Variants in SVOP observed in about 807,000 individuals in gnomAD.
SVOP encodes SV2 related protein.
A neutral mutation model predicts 69.1 loss-of-function variants in SVOP; 17 were observed. That is an observed-to-expected ratio of 0.25 (90% CI 0.17 to 0.37). The LOEUF is 0.37. Among genes scored for constraint, SVOP ranks in the 10% least tolerant of loss-of-function variants. The pLI, the probability that SVOP is intolerant of heterozygous loss-of-function variation, is 1.00. For synonymous variants in SVOP, 238 were observed against 238.6 expected, an observed-to-expected ratio of 1.00 and a Z score of 0.02; for missense variants, 435 against 597.5, an observed-to-expected ratio of 0.73 and a Z score of 2.84.
At chr12:108,923,595 C>T (rs1473558608) in intron 11 of SVOP, among the ~76,000 whole-genome samples, 1 of 151,966 alleles carries the variant, frequency 6.6e-6, no homozygotes, top group Non-Finnish European at 1.5e-5. Context: ...GACTCCTGAC[C>T]TACAGAAGCT....
chr12:108,969,220 TCTTCTCTCCTTC>T (rs1389611075), intron 5 of SVOP, among the ~76,000 whole-genome samples: 4 of 152,038 alleles, frequency 2.6e-5, no homozygotes, highest in African/African-American at 9.7e-5. Flanking sequence ...AGGTGTTTTT[TCTTCTCTCCTTC>T]CTTCCCTCCT....
In SVOP at chr12:108,961,186, T is replaced by C. The variant is rs887966742; in HGVS notation, c.454-139A>G. The C allele has an allele frequency of 6.5e-6, 7 of 1,083,120 alleles. No homozygotes were observed. The Admixed American group carries it at 2.1e-4, about 33-fold the overall frequency. 67.1% of individuals were successfully genotyped at this position (1,083,120 alleles called of 1,614,324 possible). A position where few individuals can be genotyped will look rare whatever the true frequency, so the allele number is the denominator to read the frequency against. On this transcript the variant is annotated intron_variant, in intron 5 of 15. Coordinates refer to ENST00000610966, the MANE Select transcript of SVOP (RefSeq NM_018711.5). Reference sequence around the variant, plus strand: ...CAAGGGGGTACTGGGTTCCTCTGTATGGGGAGTGCCAACCCACAGGGGTTG... The same window carrying C: ...CAAGGGGGTACTGGGTTCCTCTGTACGGGGAGTGCCAACCCACAGGGGTTG...
At chr12:108,978,848 G>A (rs557766160) in intron 2 of SVOP, among the ~76,000 whole-genome samples, 185 bp from the exon 3 acceptor site, 4 of 152,104 alleles carry the variant, frequency 2.6e-5, no homozygotes, top group Non-Finnish European at 4.4e-5. Context: ...TACTTACAAC[G>A]GGAGAAACGG....
At chr12:108,927,004 A>T (rs6539463) in intron 11 of SVOP, among the ~76,000 whole-genome samples, 99,918 of 152,098 alleles carry the variant, frequency 0.66, 33,177 homozygotes, top group Admixed American at 0.76. Flanking sequence ...TTCGAAGATA[A>T]AATGTCTCTC....
At position 108,960,992 on chromosome 12, in the gene SVOP, G is replaced by C; in HGVS notation, c.509C>G (p.Ala170Gly). The C allele has an allele frequency of 6.5e-7, 1 of 1,537,080 alleles. No individual in the cohort carries two copies. The highest frequency in any genetic ancestry group is 1.4e-5 in the African/African-American group (1 of 73,146). Residue 170 changes from alanine to glycine, a missense_variant, in exon 6 of 16, where the codon GCG becomes GGG. Coordinates refer to ENST00000610966, the MANE Select transcript of SVOP (RefSeq NM_018711.5). Reference sequence around the variant, plus strand: ...CACCAGGATCCAGCTATACACGGGCGCAAATGCACTAAGGATGCCATAGTA... The same window carrying C: ...CACCAGGATCCAGCTATACACGGGCCCAAATGCACTAAGGATGCCATAGTA... Reference protein sequence around the residue: ...TLYYGILSAFAPVYSWILVLR... With the variant: ...TLYYGILSAFGPVYSWILVLR...
chr12:108,943,399 C>T (rs565456648), intron 7 of SVOP, among the ~76,000 whole-genome samples: 2 of 151,834 alleles, frequency 1.3e-5, no homozygotes, highest in East Asian at 3.9e-4. Flanking sequence ...AGTTCAAGAT[C>T]AGCCTGGCCA....
intron 10 of SVOP, among the ~76,000 whole-genome samples, chr12:108,935,204 A>C (rs1221045298): frequency 6.6e-6 from 1 of 152,180 alleles, no homozygotes; most frequent in Non-Finnish European, 1.5e-5. Context: ...GTGATTTTCG[A>C]ATTTCAGAGC....
At chr12:108,913,931 G>A (rs1245700864) in intron 15 of SVOP, among the ~76,000 whole-genome samples, 1 of 152,186 alleles carries the variant, frequency 6.6e-6, no homozygotes, top group Non-Finnish European at 1.5e-5. Flanking sequence ...GATTACAGCT[G>A]TGAGCCACCA....
intron 1 of SVOP, among the ~76,000 whole-genome samples, chr12:109,003,783 T>C (rs1228068221): frequency 6.6e-6 from 1 of 152,122 alleles, no homozygotes; most frequent in Admixed American, 6.5e-5. Flanking sequence ...AATTTTAAAA[T>C]TTCTTGTAGA....
At position 108,908,474 on chromosome 12, in the gene SVOP, G is replaced by A. The variant is rs1267062038; in HGVS notation, c.*4061C>T. ...AACCTAGACTCCTCTTTTGAACATT[G>A]TAAGATCTGGTCACACTGGACCCAT... On this transcript the variant is annotated 3_prime_UTR_variant, in exon 16 of 16. Coordinates refer to ENST00000610966, the MANE Select transcript of SVOP (RefSeq NM_018711.5). 1.3e-5 allele frequency: 2 copies of A among 152,114 alleles called. No individual in the cohort carries two copies. Among genetic ancestry groups the A allele is most frequent in the East Asian group, 3.8e-4 (2 of 5,198 alleles). The allele number at this position is 152,114 out of a possible 1,614,324, so 9.4% of individuals were successfully genotyped here. A position where few individuals can be genotyped will look rare whatever the true frequency, so the allele number is the denominator to read the frequency against.
At position 109,021,000 on chromosome 12, in the gene SVOP, C is replaced by CG. The variant is rs2040395196; in HGVS notation, c.-133dup. On this transcript the variant is annotated 5_prime_UTR_variant, in exon 1 of 16. Coordinates refer to ENST00000610966, the MANE Select transcript of SVOP (RefSeq NM_018711.5). ...CTTCCTCCCTGGAGCAGCAGCTGTTCGGGGAGGGAGCCGCTGGGGACCAGC... is the reference window on the plus strand; with the variant it reads ...CTTCCTCCCTGGAGCAGCAGCTGTTCGGGGGAGGGAGCCGCTGGGGACCAGC... 5 of 589,520 alleles carry CG rather than the reference C, an allele frequency of 8.5e-6. No homozygotes were observed. The highest frequency in any genetic ancestry group is 4.1e-4 in the Middle Eastern group (1 of 2,436). The allele number at this position is 589,520 out of a possible 1,614,324, so 36.5% of individuals were successfully genotyped here.
intron 1 of SVOP, among the ~76,000 whole-genome samples, chr12:109,004,929 G>A (rs1036161375): frequency 6.6e-6 from 1 of 151,844 alleles, no homozygotes; most frequent in African/African-American, 2.4e-5. Flanking sequence ...GTAGAGACGA[G>A]GTTTCACCAT....
intron 1 of SVOP, among the ~76,000 whole-genome samples, chr12:109,019,457 G>A (rs2040384652): frequency 6.6e-6 from 1 of 152,004 alleles, no homozygotes; most frequent in African/African-American, 2.4e-5. Context: ...GTTCCAATAT[G>A]TAGTCTAATT....
intron 1 of SVOP, among the ~76,000 whole-genome samples, chr12:109,003,023 A>C (rs2040282609): frequency 7.0e-6 from 1 of 143,452 alleles, no homozygotes; most frequent in Non-Finnish European, 1.5e-5. Context: ...ATAAAAAAAC[A>C]AGAAATGCAG....
In SVOP at chr12:108,977,430, G is replaced by A. The variant is rs2040112411; in HGVS notation, c.349C>T (p.Leu117Phe). The A allele has an allele frequency of 6.5e-7, 1 of 1,537,220 alleles. No individual in the cohort carries two copies. Among genetic ancestry groups the A allele is most frequent in the East Asian group, 2.4e-5 (1 of 40,916 alleles). ...LAPQLHCEWR[L>F]PSWQVALLTS... ...AGCAATGCCACCTGCCAGCTTGGGA[G>A]CCTCCACTCGCAATGCAGCTGTGGT... Residue 117 changes from leucine to phenylalanine, a missense_variant, in exon 4 of 16, where the codon CTC (leucine) becomes TTC (phenylalanine). Coordinates refer to ENST00000610966, the MANE Select transcript of SVOP (RefSeq NM_018711.5).
At chr12:108,912,955 C>CCT (rs2137383182) in intron 15 of SVOP, among the ~76,000 whole-genome samples, 1 of 152,274 alleles carries the variant, frequency 6.6e-6, no homozygotes, top group East Asian at 1.9e-4. Flanking sequence ...CTTCCTGAGG[C>CCT]CTCACCAGAA....
chr12:108,997,582 C>T (rs1013380303), intron 1 of SVOP, among the ~76,000 whole-genome samples: 8 of 152,084 alleles, frequency 5.3e-5, no homozygotes, highest in Non-Finnish European at 8.8e-5. Context: ...TTGAAGAGAG[C>T]AGCGGTTCTC....
At chr12:109,003,820 C>A (rs568899533) in intron 1 of SVOP, among the ~76,000 whole-genome samples, 2 of 152,268 alleles carry the variant, frequency 1.3e-5, no homozygotes, top group South Asian at 4.1e-4. Flanking sequence ...GTTGCCCAGG[C>A]TGGTCTCAAA....
At chr12:108,984,145 A>G (rs1221168858) in intron 1 of SVOP, among the ~76,000 whole-genome samples, 6 of 152,182 alleles carry the variant, frequency 3.9e-5, no homozygotes, top group Non-Finnish European at 8.8e-5. Flanking sequence ...TAGGCCCACA[A>G]AAAGTTGCTC....
Sources: allele counts gnomAD v4.1 joint callset (sites outside exome capture counted in the v4.1 genomes callset), GRCh38; gene constraint gnomAD v4.1.1; transcripts MANE v1.5; gene names NCBI Gene and HGNC (gene_info 2026-07-23, HGNC 2026-07-21).